MIA2: variants seen among roughly 807,000 people sequenced by gnomAD.
The protein encoded by MIA2 is melanoma inhibitory activity protein 2.
MIA2 carries 127 observed loss-of-function variants against 167.8 expected under a neutral mutation model. That is an observed-to-expected ratio of 0.76 (90% confidence interval 0.66 to 0.88). MIA2 has a LOEUF of 0.88. Ranked by LOEUF, MIA2 falls within the 40% of genes least tolerant of loss-of-function variation. The probability of loss-of-function intolerance (pLI) is 0.00; values close to 1 mark genes in which losing one functional copy is unlikely to be tolerated. For missense variants in MIA2, 1,690 were observed against 1,624.7 expected (o/e 1.04, Z -0.69); for synonymous variants, 552 against 541.9 (o/e 1.02, Z -0.26).
At chr14:39,384,267 A>G (rs1005815920) in intron 23 of MIA2, among the ~76,000 whole-genome samples, 2 of 152,210 alleles carry the variant, frequency 1.3e-5, no homozygotes, top group Non-Finnish European at 1.5e-5. Flanking sequence ...AAATGGAACA[A>G]CAAAGTGTGG....
chr14:39,260,993 C>CT (rs933494611), intron 6 of MIA2, among the ~76,000 whole-genome samples: 5 of 150,984 alleles, frequency 3.3e-5, no homozygotes, highest in Non-Finnish European at 7.4e-5. Context: ...GTTTTTTTTT[C>CT]TTTTTTTAAA....
chr14:39,296,883 C>G (rs1449139610), intron 13 of MIA2, among the ~76,000 whole-genome samples: 2 of 151,712 alleles, frequency 1.3e-5, no homozygotes, highest in African/African-American at 4.8e-5. Context: ...TCAAGTGATT[C>G]TCGTGCCTCA....
chr14:39,323,047 A>G (rs149192030), intron 24 of MIA2, among the ~76,000 whole-genome samples: 26 of 152,362 alleles, frequency 1.7e-4, no homozygotes, highest in Middle Eastern at 3.4e-3. Context: ...AAGTCTGTGT[A>G]CTTGTTAGTT....
At chr14:39,314,664 AT>A in intron 19 of MIA2, 74 bp from the exon 20 acceptor site, 5 of 955,206 alleles carry the variant, frequency 5.2e-6, no homozygotes, top group Admixed American at 6.6e-5. Flanking sequence ...TCTAATAAAT[AT>A]TTTTTTAGTA....
intron 14 of MIA2, 28 bp downstream of exon 14, chr14:39,300,014 C>A: frequency 1.3e-6 from 2 of 1,573,008 alleles, no homozygotes; most frequent in South Asian, 1.2e-5. Flanking sequence ...TTTTAGTGAT[C>A]AAGTTGGCTA....
At chr14:39,346,870 T>C in intron 26 of MIA2, 1 of 320,854 alleles carries the variant, frequency 3.1e-6, no homozygotes, top group Admixed American at 3.7e-5. Context: ...TCTCCCAAAG[T>C]GCTGGGATTA....
In MIA2 at chr14:39,381,052, A is replaced by C. The variant is rs117341689; in HGVS notation, c.2249-5833A>C. On this transcript the variant is annotated intron_variant, in intron 23 of 23. Transcript: ENST00000341502. ...AAAAAAAAAACAAAGGTAACAATAC[A>C]AAAGCAGGCAGTTTAAAAATCTGAG... is the stretch of plus-strand genomic sequence containing the variant. Among the ~76,000 whole-genome samples, 1,052 of 152,210 alleles carry C rather than the reference A, an allele frequency of 6.9e-3. 3 individuals are homozygous for C. Among genetic ancestry groups the C allele is most frequent in the Non-Finnish European group, 0.012 (808 of 68,000 alleles).
chr14:39,312,548 T>A (rs1467268984), intron 18 of MIA2, among the ~76,000 whole-genome samples: 1 of 152,244 alleles, frequency 6.6e-6, no homozygotes, highest in Non-Finnish European at 1.5e-5. Flanking sequence ...TCCTGTGGTG[T>A]TCAATAAATA....
chr14:39,372,121 G>A (rs551005366), intron 23 of MIA2, among the ~76,000 whole-genome samples: 2 of 152,206 alleles, frequency 1.3e-5, no homozygotes, highest in South Asian at 4.1e-4. Context: ...TCTGAATGAT[G>A]TGGAATAAAT....
chr14:39,348,556 A>G (rs893066928), intron 27 of MIA2, among the ~76,000 whole-genome samples, 187 bp from the exon 28 acceptor site: 4 of 152,180 alleles, frequency 2.6e-5, no homozygotes, highest in African/African-American at 7.2e-5. Flanking sequence ...TTAATAAAAT[A>G]TTTATGATAA....
chr14:39,331,231 G>C (rs913074890), intron 25 of MIA2, among the ~76,000 whole-genome samples: 1 of 152,028 alleles, frequency 6.6e-6, no homozygotes, highest in East Asian at 1.9e-4. Flanking sequence ...TTGACTTTTT[G>C]ATCTTTGTTG....
At chr14:39,288,447 A>ATTTTTTTTTTTTTT (rs1566746559) in intron 9 of MIA2, among the ~76,000 whole-genome samples, 1 of 4,576 alleles carries the variant, frequency 2.2e-4, no homozygotes, top group East Asian at 4.2e-3. Flanking sequence ...ATATATATAT[A>ATTTTTTTTTTTTTT]TATATATATA....
chr14:39,299,247 G>C (rs1041686195), intron 13 of MIA2, among the ~76,000 whole-genome samples: 1 of 147,084 alleles, frequency 6.8e-6, no homozygotes, highest in African/African-American at 2.5e-5. Flanking sequence ...TCCTGTAAAA[G>C]TATATATAGT....
At chr14:39,326,469 C>T (rs1018927157) in intron 24 of MIA2, among the ~76,000 whole-genome samples, 3 of 152,014 alleles carry the variant, frequency 2.0e-5, no homozygotes, top group African/African-American at 7.2e-5. Flanking sequence ...AAGAGTTTTT[C>T]TGAAAAATAC....
At chr14:39,380,777 T>G (rs2075142372) in intron 23 of MIA2, among the ~76,000 whole-genome samples, 1 of 151,766 alleles carries the variant, frequency 6.6e-6, no homozygotes, top group African/African-American at 2.4e-5. Flanking sequence ...AGAGACCAAT[T>G]TTATTTAGAT....
intron 23 of MIA2, among the ~76,000 whole-genome samples, chr14:39,358,398 T>C (rs1291270695): frequency 6.6e-6 from 1 of 152,228 alleles, no homozygotes; most frequent in Non-Finnish European, 1.5e-5. Flanking sequence ...TGGTGTTCAG[T>C]TCCATCAGGT....
Position 39,279,268 on chromosome 14 carries a change from C to T in MIA2, c.2020-69C>T, listed in dbSNP as rs368546651. 3.1e-5 allele frequency: 42 copies of T among 1,343,264 alleles called. 1 individual carries two copies. The highest frequency in any genetic ancestry group is 1.0e-4 in the South Asian group (8 of 77,684). 83.2% of individuals were successfully genotyped at this position (1,343,264 alleles called of 1,614,324 possible). On this transcript the variant is annotated intron_variant, in intron 7 of 28. Transcript: ENST00000640607. ...CCTGTATTTCTAAGTTGGCAGTAGA[C>T]GTTAAATGAATTGATTTACTTGAGA...
At chr14:39,330,727 T>A (rs543548141) in intron 25 of MIA2, among the ~76,000 whole-genome samples, 2 of 152,192 alleles carry the variant, frequency 1.3e-5, no homozygotes, top group African/African-American at 4.8e-5. Context: ...ATTTACCTAG[T>A]AGTCATTCAG....
At chr14:39,364,959 T>C (rs914176474) in intron 23 of MIA2, among the ~76,000 whole-genome samples, 12 of 152,180 alleles carry the variant, frequency 7.9e-5, no homozygotes, top group African/African-American at 2.7e-4. Flanking sequence ...ATTTGGGATC[T>C]CTGAATTTCC....
Sources: gnomAD v4.1 joint callset for allele counts (sites outside exome capture counted in the v4.1 genomes callset) on GRCh38, gnomAD v4.1.1 for gene constraint, MANE v1.5 for transcripts, NCBI Gene and HGNC (gene_info 2026-07-23, HGNC 2026-07-21) for gene names.